FAM114A1: variants seen among roughly 807,000 people sequenced by gnomAD.
FAM114A1 encodes the protein family with sequence similarity 114 member A1.
Under a neutral mutation model 64.3 loss-of-function variants are expected in FAM114A1, and 62 were observed. The ratio of observed to expected loss-of-function variants is 0.96; its 90% CI spans 0.79 to 1.19. The LOEUF (loss-of-function observed/expected upper bound fraction) is 1.19. Ranked by LOEUF, FAM114A1 falls within the 50% of genes most tolerant of loss-of-function variation. The probability of loss-of-function intolerance (pLI) is 0.00; values close to 1 mark genes in which losing one functional copy is unlikely to be tolerated. For missense variants in FAM114A1, 645 were observed against 676.3 expected, an observed-to-expected ratio of 0.95 and a Z score of 0.51; for synonymous variants, 254 against 251.1, an observed-to-expected ratio of 1.01 and a Z score of -0.11.
chr4:38,938,676 G>T (rs1366950293), intron 13 of FAM114A1: 3 of 152,152 alleles, frequency 2.0e-5, no homozygotes, highest in Non-Finnish European at 2.9e-5. Context: ...GGTTCCTAAG[G>T]CTCTATTGCA....
At chr4:38,910,003 C>T (rs529197898) in intron 7 of FAM114A1, among the ~76,000 whole-genome samples, 5 of 152,040 alleles carry the variant, frequency 3.3e-5, no homozygotes, top group East Asian at 3.9e-4. Context: ...GAGGCCGAGG[C>T]GGGCAGATCA....
chr4:38,882,051 G>A (rs1381242295), intron 3 of FAM114A1, among the ~76,000 whole-genome samples: 2 of 151,994 alleles, frequency 1.3e-5, no homozygotes, highest in African/African-American at 2.4e-5. Context: ...GGTGGCTCAC[G>A]CCTGTAATCC....
intron 8 of FAM114A1, among the ~76,000 whole-genome samples, chr4:38,919,039 G>T (rs558908084): frequency 6.6e-5 from 10 of 152,138 alleles, no homozygotes; most frequent in Admixed American, 6.5e-4. Flanking sequence ...TGTAATCTCA[G>T]CTACTCGGGA....
rs375458001 is a variant in FAM114A1, at chr4:38,891,808, G to T, written c.414G>T (p.Leu138=). 2.2e-5 allele frequency: 36 copies of T among 1,612,712 alleles called. No individual in the cohort carries two copies. Among genetic ancestry groups the T allele is most frequent in the South Asian group, 4.4e-5 (4 of 90,844 alleles). Reference sequence around the variant, plus strand: ...GGGGATCCTGGGGCAAATCTCTGCTGTCGTCAGCATCTGCCACAGTAGGTA... The same window carrying T: ...GGGGATCCTGGGGCAAATCTCTGCTTTCGTCAGCATCTGCCACAGTAGGTA... ...AGWGSWGKSL[L]SSASATVGHG... The change falls in exon 4 of 15, where the codon CTG becomes CTT. Residue 138 remains leucine, a synonymous_variant. Transcript: ENST00000358869.
At chr4:38,874,516 G>T (rs1714419461) in intron 2 of FAM114A1, among the ~76,000 whole-genome samples, 1 of 151,968 alleles carries the variant, frequency 6.6e-6, no homozygotes, top group Non-Finnish European at 1.5e-5. Flanking sequence ...AATGGTTTTT[G>T]TTTTGTTTTT....
chr4:38,899,084 A>G (rs1359099737), intron 4 of FAM114A1, among the ~76,000 whole-genome samples: 4 of 151,498 alleles, frequency 2.6e-5, no homozygotes, highest in South Asian at 4.1e-4. Context: ...CTATGCAGCC[A>G]TTAAAAAGAC....
intron 13 of FAM114A1, among the ~76,000 whole-genome samples, chr4:38,936,102 T>TG (rs200969832): frequency 0.039 from 5,872 of 151,748 alleles, 348 homozygotes; most frequent in African/African-American, 0.13. Context: ...TTTTTTGTTT[T>TG]TTTTTTTTGA....
chr4:38,894,907 T>C (rs1360347247), intron 4 of FAM114A1, among the ~76,000 whole-genome samples: 2 of 152,206 alleles, frequency 1.3e-5, no homozygotes, highest in African/African-American at 2.4e-5. Flanking sequence ...TGTAAAATAA[T>C]GTGAGCTTAA....
In FAM114A1 at chr4:38,905,786, A is replaced by T. The variant is rs142423470; in HGVS notation, c.582A>T (p.Ala194=). ...ATGCAGCCACAGATCAGGGCCCTGC[A>T]GAAAGCCCACCCACTTCCCCTTCAT... The part of the protein sequence containing the change: ...ITDAATDQGP[A]ESPPTSPSSA... The change falls in exon 6 of 15, where the codon GCA becomes GCT. Residue 194 remains alanine, a synonymous_variant. Transcript: ENST00000358869. 3.7e-6 allele frequency: 6 copies of T among 1,613,964 alleles called. No homozygotes were observed. In the African/African-American group the frequency reaches 8.0e-5, roughly 22 times the overall value.
At chr4:38,875,377 C>G (rs1234701961) in intron 2 of FAM114A1, among the ~76,000 whole-genome samples, 1 of 152,090 alleles carries the variant, frequency 6.6e-6, no homozygotes, top group Admixed American at 6.5e-5. Flanking sequence ...CATTGTGGAG[C>G]TCTTTCATCT....
chr4:38,883,625 TA>T (rs1715514871), intron 3 of FAM114A1, among the ~76,000 whole-genome samples: 1 of 152,106 alleles, frequency 6.6e-6, no homozygotes, highest in Non-Finnish European at 1.5e-5. Flanking sequence ...GTTCTCTCCC[TA>T]AAAAAGGAGA....
intron 3 of FAM114A1, among the ~76,000 whole-genome samples, chr4:38,880,435 G>T (rs1478940169): frequency 3.3e-5 from 5 of 152,048 alleles, no homozygotes; most frequent in African/African-American, 1.2e-4. Flanking sequence ...CATTCTTTTG[G>T]CTACTAGGAC....
intron 2 of FAM114A1, among the ~76,000 whole-genome samples, chr4:38,871,522 A>ATGTTT (rs1714079491): frequency 6.6e-6 from 1 of 152,196 alleles, no homozygotes; most frequent in Non-Finnish European, 1.5e-5. Flanking sequence ...TAGTCCATAA[A>ATGTTT]TATGTTTTAA....
At chr4:38,895,315 A>G (rs1362532892) in intron 4 of FAM114A1, among the ~76,000 whole-genome samples, 2 of 152,236 alleles carry the variant, frequency 1.3e-5, no homozygotes, top group Non-Finnish European at 2.9e-5. Flanking sequence ...TTCAGCTCTT[A>G]GAGGCTGCCC....
intron 12 of FAM114A1, among the ~76,000 whole-genome samples, chr4:38,935,274 C>T (rs1304239455): frequency 6.6e-6 from 1 of 152,104 alleles, no homozygotes; most frequent in Non-Finnish European, 1.5e-5. Flanking sequence ...AATAATATAA[C>T]CCATAAGGTC....
At position 38,923,472 on chromosome 4, in the gene FAM114A1, C is replaced by T. The variant is rs192828133; in HGVS notation, c.1069+579C>T. Reference sequence around the variant, plus strand: ...TCTTGACCTCATGATCTGCCTGCCTCGGCCTCCCAAAGTGCTGGGATTACA... The same window carrying T: ...TCTTGACCTCATGATCTGCCTGCCTTGGCCTCCCAAAGTGCTGGGATTACA... On this transcript the variant is annotated intron_variant, in intron 9 of 14. Transcript: ENST00000358869. 4.8e-3 allele frequency among the ~76,000 whole-genome samples: 726 copies of T among 152,184 alleles called. 7 individuals are homozygous for T. The highest frequency in any genetic ancestry group is 0.017 in the African/African-American group (707 of 41,526).
chr4:38,906,072 A>G (rs1328817420), intron 6 of FAM114A1, among the ~76,000 whole-genome samples: 1 of 152,184 alleles, frequency 6.6e-6, no homozygotes, highest in Non-Finnish European at 1.5e-5. Context: ...TTTTATGTTT[A>G]AAAGAAGGGA....
chr4:38,914,704 G>T, intron 7 of FAM114A1: 1 of 484,934 alleles, frequency 2.1e-6, no homozygotes, highest in Non-Finnish European at 3.6e-6. Context: ...GCTTTGTTTT[G>T]CCTTTCACAT....
At chr4:38,882,193 T>G (rs1306746436) in intron 3 of FAM114A1, among the ~76,000 whole-genome samples, 2 of 143,978 alleles carry the variant, frequency 1.4e-5, no homozygotes, top group Non-Finnish European at 3.0e-5. Flanking sequence ...GCGCCTGTAG[T>G]CCCAGCTACT....
Sources: gnomAD v4.1 joint callset for allele counts (sites outside exome capture counted in the v4.1 genomes callset) on GRCh38, gnomAD v4.1.1 for gene constraint, MANE v1.5 for transcripts, NCBI Gene and HGNC (gene_info 2026-07-23, HGNC 2026-07-21) for gene names.